The following SGCZ variants were observed in gnomAD, a reference collection of about 807,000 sequenced individuals.
SGCZ encodes zeta-sarcoglycan.
In SGCZ, 40 loss-of-function variants were observed where a neutral mutation model predicts 41.3. The observed-to-expected ratio is 0.97, with a 90% CI of 0.75 to 1.26. The LOEUF (loss-of-function observed/expected upper bound fraction) is 1.26, where lower values mean the gene tolerates loss of function less well. Among genes scored for constraint, SGCZ ranks in the 50% most tolerant of loss-of-function variants. The probability of loss-of-function intolerance (pLI) is 0.00; values close to 1 mark genes in which losing one functional copy is unlikely to be tolerated. For missense variants in SGCZ, 552 were observed against 369.8 expected (o/e 1.49, Z -4.04); for synonymous variants, 206 against 137.5 (o/e 1.50, Z -3.49).
intron 1 of SGCZ, among the ~76,000 whole-genome samples, chr8:14,556,906 A>G (rs1563408894): frequency 6.6e-6 from 1 of 151,740 alleles, no homozygotes; most frequent in Non-Finnish European, 1.5e-5. Flanking sequence ...AAAGTGAAGT[A>G]TTTTTTTTGT....
At position 14,693,254 on chromosome 8, in the gene SGCZ, A is replaced by G. The variant is rs541524589; in HGVS notation, c.40-138328T>C. Among the ~76,000 whole-genome samples, 4 of 151,908 alleles carry G rather than the reference A, an allele frequency of 2.6e-5. No homozygotes were observed. In the South Asian group the frequency reaches 6.2e-4, roughly 24 times the overall value. ...TGACCTTAATAATTTCCATTCCTCAATAATTTTACTTTCATTTCAAAAAAG... is the reference window on the plus strand; with the variant it reads ...TGACCTTAATAATTTCCATTCCTCAGTAATTTTACTTTCATTTCAAAAAAG... On this transcript the variant is annotated intron_variant, in intron 1 of 7. Transcript: ENST00000382080.
intron 1 of SGCZ, among the ~76,000 whole-genome samples, chr8:14,822,176 G>C (rs1211586614): frequency 6.6e-6 from 1 of 151,874 alleles, no homozygotes; most frequent in East Asian, 1.9e-4. Flanking sequence ...AAAATGGATA[G>C]CGTTTGTATA....
intron 1 of SGCZ, among the ~76,000 whole-genome samples, chr8:14,691,170 G>A (rs1808787124): frequency 6.6e-6 from 1 of 152,148 alleles, no homozygotes; most frequent in African/African-American, 2.4e-5. Context: ...AATGATGAAT[G>A]AAGTCTATCT....
At chr8:14,463,256 C>A (rs1488647753) in intron 2 of SGCZ, among the ~76,000 whole-genome samples, 1 of 150,630 alleles carries the variant, frequency 6.6e-6, no homozygotes, top group Non-Finnish European at 1.5e-5. Flanking sequence ...AGCCAAAAAA[C>A]AGCTTGAAAA....
chr8:15,060,295 T>C (rs1804873057), intron 1 of SGCZ, among the ~76,000 whole-genome samples: 1 of 151,512 alleles, frequency 6.6e-6, no homozygotes, highest in Non-Finnish European at 1.5e-5. Flanking sequence ...ATAGACTGGA[T>C]TAAGAAAATG....
intron 1 of SGCZ, among the ~76,000 whole-genome samples, chr8:15,131,941 G>A (rs1228864054): frequency 6.6e-6 from 1 of 152,190 alleles, no homozygotes; most frequent in Non-Finnish European, 1.5e-5. Flanking sequence ...TGAAATGAAT[G>A]TTTGCATGAT....
At chr8:14,985,914 C>G (rs1801812509) in intron 1 of SGCZ, among the ~76,000 whole-genome samples, 1 of 152,126 alleles carries the variant, frequency 6.6e-6, no homozygotes, top group Non-Finnish European at 1.5e-5. Flanking sequence ...TGAAAACTTT[C>G]AGAATTGGTC....
intron 4 of SGCZ, among the ~76,000 whole-genome samples, chr8:14,183,356 T>G (rs973467095): frequency 6.6e-6 from 1 of 152,104 alleles, no homozygotes; most frequent in South Asian, 2.1e-4. Flanking sequence ...ATCATAACTC[T>G]TCTTGAGAAC....
chr8:15,144,969 A>G (rs1056631700), intron 1 of SGCZ, among the ~76,000 whole-genome samples: 2 of 152,180 alleles, frequency 1.3e-5, no homozygotes, highest in Non-Finnish European at 2.9e-5. Flanking sequence ...AGAGAAACCA[A>G]GTTTGTCTGG....
At chr8:15,237,528 G>A in intron 1 of SGCZ, 57 bp downstream of exon 1, 3 of 1,556,856 alleles carry the variant, frequency 1.9e-6, no homozygotes, top group Non-Finnish European at 1.7e-6. Context: ...GGGAAGGAGA[G>A]GGGAGAGCAG....
chr8:15,234,941 T>A (rs1802075425), intron 1 of SGCZ, among the ~76,000 whole-genome samples: 1 of 152,224 alleles, frequency 6.6e-6, no homozygotes, highest in Non-Finnish European at 1.5e-5. Context: ...TATTTATGTA[T>A]CAAACCCCAG....
intron 2 of SGCZ, among the ~76,000 whole-genome samples, chr8:14,469,029 C>T (rs191031210): frequency 9.9e-5 from 15 of 151,332 alleles, no homozygotes; most frequent in Admixed American, 9.2e-4. Context: ...TCCTCTTGGC[C>T]TGTTTCTTTC....
chr8:15,146,399 C>T (rs1799038611), intron 1 of SGCZ, among the ~76,000 whole-genome samples: 1 of 151,948 alleles, frequency 6.6e-6, no homozygotes, highest in Non-Finnish European at 1.5e-5. Flanking sequence ...ATGGAGTCTC[C>T]ATATTGTCCA....
intron 5 of SGCZ, among the ~76,000 whole-genome samples, chr8:14,110,407 T>G (rs17118667): frequency 1.3e-5 from 2 of 152,140 alleles, no homozygotes; most frequent in African/African-American, 4.8e-5. Flanking sequence ...GCACAAACTC[T>G]ATCAGTGAAA....
intron 1 of SGCZ, among the ~76,000 whole-genome samples, chr8:15,137,431 T>C (rs553602852): frequency 1.3e-5 from 2 of 152,294 alleles, no homozygotes; most frequent in East Asian, 1.9e-4. Context: ...ACCAAGACAA[T>C]GGAGTAAATG....
At chr8:15,185,226 G>C (rs970084995) in intron 1 of SGCZ, among the ~76,000 whole-genome samples, 2 of 152,184 alleles carry the variant, frequency 1.3e-5, no homozygotes, top group Non-Finnish European at 2.9e-5. Context: ...CTTGAAGTCT[G>C]TCTTCTGCAG....
At chr8:14,408,008 T>C (rs1454395470) in intron 2 of SGCZ, among the ~76,000 whole-genome samples, 4 of 152,190 alleles carry the variant, frequency 2.6e-5, no homozygotes, top group Non-Finnish European at 5.9e-5. Context: ...ACTAATGATA[T>C]GTATAAATAA....
intron 2 of SGCZ, among the ~76,000 whole-genome samples, chr8:14,441,190 T>C (rs902042406): frequency 6.6e-6 from 1 of 152,208 alleles, no homozygotes; most frequent in Non-Finnish European, 1.5e-5. Context: ...AAAACTTGTT[T>C]CTGTAAACTT....
At chr8:14,410,702 A>C (rs901474781) in intron 2 of SGCZ, among the ~76,000 whole-genome samples, 3 of 152,048 alleles carry the variant, frequency 2.0e-5, no homozygotes, top group African/African-American at 7.2e-5. Flanking sequence ...GCTGCAGCAA[A>C]CCCCCATGGC....
Sources: gnomAD v4.1 joint callset for allele counts (sites outside exome capture counted in the v4.1 genomes callset) on GRCh38, gnomAD v4.1.1 for gene constraint, MANE v1.5 for transcripts, NCBI Gene and HGNC (gene_info 2026-07-23, HGNC 2026-07-21) for gene names.